Variants in ANK2 observed in about 807,000 individuals in gnomAD.
ANK2 encodes ankyrin-2.
ANK2 carries 83 observed loss-of-function variants against 360.5 expected under a neutral mutation model. The ratio of observed to expected loss-of-function variants is 0.23; its 90% confidence interval spans 0.19 to 0.28. The LOEUF (loss-of-function observed/expected upper bound fraction) is 0.28, where lower values mean the gene tolerates loss of function less well. Ranked by LOEUF, ANK2 falls within the 10% of genes least tolerant of loss-of-function variation. ANK2 has a pLI of 1.00. For synonymous variants in ANK2, 1,740 were observed against 1,759.5 expected, an observed-to-expected ratio of 0.99 and a Z score of 0.28; for missense variants, 4,201 against 4,795.7, an observed-to-expected ratio of 0.88 and a Z score of 3.66.
intron 14 of ANK2, among the ~76,000 whole-genome samples, chr4:113,272,088 T>C (rs1289192191): frequency 1.3e-5 from 2 of 152,246 alleles, no homozygotes; most frequent in African/African-American, 4.8e-5. Context: ...TTTAGTTAGA[T>C]ACTAGGAGAT....
the ANK2 span, among the ~76,000 whole-genome samples, chr4:112,709,799 T>C: frequency 6.6e-6 from 1 of 152,148 alleles, no homozygotes; most frequent in African/African-American, 2.4e-5. Context: ...GACCTTACCA[T>C]CTTTTTGACA....
chr4:112,785,545 G>C, the ANK2 span, among the ~76,000 whole-genome samples: 1 of 151,770 alleles, frequency 6.6e-6, no homozygotes, highest in Non-Finnish European at 1.5e-5. Flanking sequence ...GCTAATTTCT[G>C]TATTTTTAAT....
At chr4:113,325,380 A>T (rs1201303365) in intron 26 of ANK2, among the ~76,000 whole-genome samples, 2 of 152,192 alleles carry the variant, frequency 1.3e-5, no homozygotes, top group Non-Finnish European at 2.9e-5. Context: ...CTGTGCATAT[A>T]ATTTTAATAC....
At chr4:113,015,383 G>A (rs1416274259) in intron 2 of ANK2, among the ~76,000 whole-genome samples, 1 of 152,158 alleles carries the variant, frequency 6.6e-6, no homozygotes, top group Non-Finnish European at 1.5e-5. Context: ...TTTAAATAGT[G>A]TGATTAGTTG....
At chr4:113,171,877 A>G (rs999011022) in intron 1 of ANK2, among the ~76,000 whole-genome samples, 4 of 152,144 alleles carry the variant, frequency 2.6e-5, no homozygotes, top group African/African-American at 4.8e-5. Flanking sequence ...CTGAGGCCCC[A>G]TCAGACCATC....
chr4:112,786,808 G>A, the ANK2 span, among the ~76,000 whole-genome samples: 1 of 150,282 alleles, frequency 6.7e-6, no homozygotes, highest in South Asian at 2.1e-4. Flanking sequence ...GAGTGCAGTG[G>A]CACGATCTCA....
chr4:113,171,888 A>G (rs115644643), intron 1 of ANK2, among the ~76,000 whole-genome samples: 5,575 of 152,244 alleles, frequency 0.037, 164 homozygotes, highest in Non-Finnish European at 0.055. Context: ...TCAGACCATC[A>G]TTGCCACTCC....
At chr4:113,094,749 A>G (rs1290816983) in intron 1 of ANK2, among the ~76,000 whole-genome samples, 2 of 152,236 alleles carry the variant, frequency 1.3e-5, no homozygotes, top group Non-Finnish European at 2.9e-5. Context: ...TACTAAACAT[A>G]TTTAGTTATT....
At chr4:112,866,937 C>T (rs1335379959) in intron 1 of ANK2, among the ~76,000 whole-genome samples, 2 of 151,978 alleles carry the variant, frequency 1.3e-5, no homozygotes, top group African/African-American at 4.8e-5. Flanking sequence ...ATCTAAGTTT[C>T]CAAAATTACT....
chr4:113,133,483 A>T (rs2096199318), intron 1 of ANK2, among the ~76,000 whole-genome samples: 1 of 152,296 alleles, frequency 6.6e-6, no homozygotes, highest in South Asian at 2.1e-4. Flanking sequence ...ATGGCAAATA[A>T]ATACCTTAAG....
intron 1 of ANK2, among the ~76,000 whole-genome samples, chr4:112,873,459 T>A (rs959047362): frequency 6.6e-6 from 1 of 152,016 alleles, no homozygotes; most frequent in African/African-American, 2.4e-5. Flanking sequence ...TTTGACCCAT[T>A]GGTTATTAGA....
chr4:113,346,460 C>A (rs1401499341), intron 35 of ANK2, among the ~76,000 whole-genome samples: 1 of 152,168 alleles, frequency 6.6e-6, no homozygotes, highest in Non-Finnish European at 1.5e-5. Flanking sequence ...ACTACCAATT[C>A]ACAGGTGGCT....
chr4:112,813,926 G>C (rs915010172), upstream of ANK2, among the ~76,000 whole-genome samples: 1 of 152,190 alleles, frequency 6.6e-6, no homozygotes, highest in Non-Finnish European at 1.5e-5. Context: ...TGCTTTCTGT[G>C]GTAATTTAGT....
intron 43 of ANK2, among the ~76,000 whole-genome samples, chr4:113,371,913 T>C (rs1355512130): frequency 6.6e-6 from 1 of 152,228 alleles, no homozygotes; most frequent in Non-Finnish European, 1.5e-5. Flanking sequence ...GCTAAAATTA[T>C]GTTTTTTGCT....
intron 2 of ANK2, among the ~76,000 whole-genome samples, chr4:112,962,502 C>T (rs1478008992): frequency 6.6e-6 from 1 of 152,182 alleles, no homozygotes; most frequent in East Asian, 1.9e-4. Context: ...CAGCCATGAA[C>T]ATAAAAGTGC....
intron 2 of ANK2, among the ~76,000 whole-genome samples, chr4:112,999,374 A>G (rs1012270033): frequency 2.0e-5 from 3 of 152,176 alleles, no homozygotes; most frequent in Non-Finnish European, 4.4e-5. Context: ...CAAGCCCAGC[A>G]TGAGCTCTTT....
chr4:112,885,695 G>T (rs2078129292), intron 1 of ANK2, among the ~76,000 whole-genome samples: 1 of 149,294 alleles, frequency 6.7e-6, no homozygotes, highest in Admixed American at 6.7e-5. Context: ...TACTCGGAAG[G>T]CTGTGGGAGG....
intron 1 of ANK2, among the ~76,000 whole-genome samples, chr4:112,833,133 T>G (rs2060168095): frequency 6.6e-6 from 1 of 152,348 alleles, no homozygotes; most frequent in East Asian, 1.9e-4. Flanking sequence ...TTGGTTGTTC[T>G]GATAGTGAAG....
chr4:112,767,566 C>CAAT, the ANK2 span, among the ~76,000 whole-genome samples: 1 of 144,718 alleles, frequency 6.9e-6, no homozygotes, highest in Non-Finnish European at 1.5e-5. Context: ...GACCCTGTCT[C>CAAT]AATAAATAAA....
Sources: allele counts gnomAD v4.1 joint callset (sites outside exome capture counted in the v4.1 genomes callset), GRCh38; gene constraint gnomAD v4.1.1; transcripts MANE v1.5; gene names NCBI Gene and HGNC (gene_info 2026-07-23, HGNC 2026-07-21).